MCTP2: variants seen among roughly 807,000 people sequenced by gnomAD.
MCTP2 encodes multiple C2 and transmembrane domain-containing protein 2.
A neutral mutation model predicts 111.6 loss-of-function variants in MCTP2; 132 were observed. The observed-to-expected ratio is 1.18, with a 90% CI of 1.03 to 1.37. The LOEUF (loss-of-function observed/expected upper bound fraction) is 1.37, where lower values mean the gene tolerates loss of function less well. Among genes scored for constraint, MCTP2 ranks in the 40% most tolerant of loss-of-function variants. MCTP2 has a pLI of 0.00. For missense variants in MCTP2, 1,183 were observed against 1,067.9 expected (o/e 1.11, Z -1.50); for synonymous variants, 395 against 387.7 (o/e 1.02, Z -0.22).
chr15:94,409,284 G>A (rs1039309692), intron 17 of MCTP2, among the ~76,000 whole-genome samples: 20 of 152,032 alleles, frequency 1.3e-4, no homozygotes, highest in African/African-American at 4.1e-4. Flanking sequence ...ATCGGACTCC[G>A]AGTTCTTCAG....
At chr15:94,478,444 T>C (rs556825302) in intron 22 of MCTP2, among the ~76,000 whole-genome samples, 1 of 152,386 alleles carries the variant, frequency 6.6e-6, no homozygotes, top group Non-Finnish European at 1.5e-5. Flanking sequence ...ACAGATGTTT[T>C]AGTCATTACA....
intron 21 of MCTP2, among the ~76,000 whole-genome samples, chr15:94,473,265 A>G (rs1350123123): frequency 6.6e-6 from 1 of 152,156 alleles, no homozygotes; most frequent in Non-Finnish European, 1.5e-5. Context: ...TAGCCCTATA[A>G]TTCTTAGTGC....
At chr15:94,293,219 C>G (rs536268234) in intron 1 of MCTP2, among the ~76,000 whole-genome samples, 6 of 152,074 alleles carry the variant, frequency 3.9e-5, no homozygotes, top group African/African-American at 1.4e-4. Flanking sequence ...TAGACTATAT[C>G]AAAATTAAAA....
chr15:94,450,425 C>T (rs975901471), intron 19 of MCTP2, among the ~76,000 whole-genome samples: 1 of 152,226 alleles, frequency 6.6e-6, no homozygotes, highest in Non-Finnish European at 1.5e-5. Context: ...TTCTAAATGA[C>T]AGCTCCTGGT....
intron 21 of MCTP2, among the ~76,000 whole-genome samples, chr15:94,471,302 G>T (rs2073907027): frequency 6.6e-6 from 1 of 152,208 alleles, no homozygotes; most frequent in Non-Finnish European, 1.5e-5. Context: ...ATCTTCAGAT[G>T]TTAAGATGTT....
chr15:94,275,400 AATC>A (rs904195153), intron 1 of MCTP2, among the ~76,000 whole-genome samples: 3 of 152,316 alleles, frequency 2.0e-5, no homozygotes, highest in South Asian at 2.1e-4. Context: ...GAATAACAGA[AATC>A]ATCAAGATCA....
In MCTP2 at chr15:94,314,915, A is replaced by G. The variant is rs183040992; in HGVS notation, c.528+571A>G. 7 of 367,292 alleles carry G rather than the reference A, an allele frequency of 1.9e-5. No homozygotes were observed. The East Asian group carries it at 5.3e-4, about 28-fold the overall frequency. The allele number at this position is 367,292 out of a possible 1,614,324, so 22.8% of individuals were successfully genotyped here. ...AGACACTAAGAGTGGGTGCCAGAGA[A>G]TGAAAGAGAAGGGTGGAAAAGCCGG... On this transcript the variant is annotated intron_variant, in intron 3 of 22. Transcript: ENST00000357742.
chr15:94,257,047 C>T (rs1026473291), intron 1 of MCTP2, among the ~76,000 whole-genome samples: 5 of 152,148 alleles, frequency 3.3e-5, no homozygotes, highest in African/African-American at 1.2e-4. Flanking sequence ...TCTCTGACAT[C>T]ATCTTATTCT....
At position 94,324,332 on chromosome 15, in the gene MCTP2, G is replaced by A. The variant is rs8024323; in HGVS notation, c.637+8695G>A. Among the ~76,000 whole-genome samples the A allele has an allele frequency of 5.5e-3, 845 of 152,312 alleles. 4 individuals carry two copies. The highest frequency in any genetic ancestry group is 0.01 in the Middle Eastern group (3 of 294). ...ACAATAGCCCTCGCTTTAAAACCCTGTGCTTTGCTGTAATGTTAGGCCGCT... is the reference window on the plus strand; with the variant it reads ...ACAATAGCCCTCGCTTTAAAACCCTATGCTTTGCTGTAATGTTAGGCCGCT... On this transcript the variant is annotated intron_variant, in intron 4 of 22. Transcript: ENST00000357742.
intron 21 of MCTP2, among the ~76,000 whole-genome samples, chr15:94,470,920 G>GGGA (rs751181178): frequency 2.6e-5 from 4 of 152,126 alleles, no homozygotes; most frequent in Non-Finnish European, 5.9e-5. Context: ...GGAGAGGGAG[G>GGGA]GGAGGGGGCG....
intron 19 of MCTP2, among the ~76,000 whole-genome samples, chr15:94,457,102 A>T (rs914818764): frequency 6.6e-6 from 1 of 152,178 alleles, no homozygotes. Flanking sequence ...TTTTCACCCA[A>T]CTAAAATTCT....
At position 94,479,012 on chromosome 15, in the gene MCTP2, G is replaced by A. The variant is rs141407505; in HGVS notation, c.2615G>A (p.Arg872Gln). Reference sequence around the variant, plus strand: ...CTCTGCAGCAGCCACAGCCCCCTGCGGAAGAAGCGCAGCGCTCTCTAGGGC... The same window carrying A: ...CTCTGCAGCAGCCACAGCCCCCTGCAGAAGAAGCGCAGCGCTCTCTAGGGC... ...LKLCSSHSPLRKKRSAL is the reference protein window; with the variant it reads ...LKLCSSHSPLQKKRSAL Residue 872 changes from arginine (R) to glutamine (Q), a missense_variant, in exon 23 of 23, where the codon CGG (arginine) becomes CAG (glutamine). By Grantham distance (43) the Arg-to-Gln change is conservative (BLOSUM62 1). Coordinates refer to ENST00000357742, the MANE Select transcript of MCTP2 (RefSeq NM_001385001.1). 3.3e-5 allele frequency: 53 copies of A among 1,613,956 alleles called. No homozygotes were observed. The highest frequency in any genetic ancestry group is 2.0e-4 in the East Asian group (9 of 44,878).
intron 1 of MCTP2, among the ~76,000 whole-genome samples, chr15:94,297,942 G>A (rs1468615374): frequency 2.7e-5 from 4 of 150,518 alleles, no homozygotes; most frequent in African/African-American, 9.8e-5. Context: ...TTTTTTTTTG[G>A]TGCCAACCTT....
intron 5 of MCTP2, among the ~76,000 whole-genome samples, chr15:94,339,915 T>A (rs1050957719): frequency 6.6e-6 from 1 of 152,226 alleles, no homozygotes; most frequent in African/African-American, 2.4e-5. Context: ...CTATTTAAAC[T>A]ACAGAGAATG....
rs1003987047 is a variant in MCTP2 at position 94,319,476 on chromosome 15, C to T, written c.637+3839C>T. ...AATGCACATCTCTGAGCCCCGCACA[C>T]AGACTCTCTGATTCAGTGTGTCTGG... On this transcript the variant is annotated intron_variant, in intron 4 of 22. Transcript: ENST00000357742. Among the ~76,000 whole-genome samples the T allele has an allele frequency of 2.0e-5, 3 of 152,228 alleles. No individual in the cohort carries two copies. In the South Asian group the frequency reaches 6.2e-4, roughly 32 times the overall value.
At chr15:94,370,234 C>A in intron 12 of MCTP2, 54 bp downstream of exon 12, 3 of 1,440,490 alleles carry the variant, frequency 2.1e-6, no homozygotes, top group South Asian at 1.2e-5. Context: ...TGCTTTGAAA[C>A]AATCTCCTGG....
At chr15:94,270,083 T>C (rs1169086664) in intron 1 of MCTP2, among the ~76,000 whole-genome samples, 3 of 152,104 alleles carry the variant, frequency 2.0e-5, no homozygotes, top group Non-Finnish European at 4.4e-5. Flanking sequence ...GTTGGGGACT[T>C]TTGAAATGTA....
chr15:94,244,351 C>A (rs146551433), intron 1 of MCTP2, among the ~76,000 whole-genome samples: 1 of 148,522 alleles, frequency 6.7e-6, no homozygotes, highest in Non-Finnish European at 1.5e-5. Flanking sequence ...TATACGTATA[C>A]ACATACATAT....
intron 17 of MCTP2, among the ~76,000 whole-genome samples, chr15:94,404,052 C>G (rs1245611296): frequency 6.6e-6 from 1 of 152,184 alleles, no homozygotes; most frequent in Non-Finnish European, 1.5e-5. Flanking sequence ...TAATTTAAAA[C>G]TCTACTTCCA....
Sources: allele counts gnomAD v4.1 joint callset (sites outside exome capture counted in the v4.1 genomes callset), GRCh38; gene constraint gnomAD v4.1.1; transcripts MANE v1.5; gene names NCBI Gene and HGNC (gene_info 2026-07-23, HGNC 2026-07-21).